Variants in CEP85L observed in about 807,000 individuals in gnomAD.
CEP85L encodes centrosomal protein of 85 kDa-like.
CEP85L carries 60 observed loss-of-function variants against 100.3 expected under a neutral mutation model. That is an observed-to-expected ratio of 0.60 (90% CI 0.49 to 0.74). CEP85L has a LOEUF of 0.74. CEP85L is among the 30% of genes least tolerant of loss of function. CEP85L has a pLI of 0.00. For missense variants in CEP85L, 973 were observed against 936.2 expected (o/e 1.04, Z -0.51); for synonymous variants, 319 against 322.7 (o/e 0.99, Z 0.12).
At chr6:118,484,807 C>T (rs1373302867) in intron 6 of CEP85L, among the ~76,000 whole-genome samples, 2 of 152,144 alleles carry the variant, frequency 1.3e-5, no homozygotes, top group African/African-American at 4.8e-5. Flanking sequence ...TTATAGTGTA[C>T]TAAACAATGC....
Position 118,483,797 on chromosome 6 carries a change from T to G in CEP85L, c.1499A>C (p.Gln500Pro). 2 of 1,613,970 alleles carry G rather than the reference T, an allele frequency of 1.2e-6. No individual in the cohort carries two copies. Among genetic ancestry groups the G allele is most frequent in the Non-Finnish European group, 1.7e-6 (2 of 1,179,914 alleles). ...LKKKCQKESE[Q>P]NKEKQRRIET... ...AATTCTTCTCTGCTTTTCTTTGTTT[T>G]GTTCAGATTCCTTCTGGCATTTCTT... The change falls in exon 7 of 13, where the codon CAA becomes CCA. Residue 500 changes from glutamine (Q) to proline (P), a missense_variant. By Grantham distance (76) the Gln-to-Pro change is moderately conservative. Coordinates refer to ENST00000368491, the MANE Select transcript of CEP85L (RefSeq NM_001042475.3).
intron 1 of CEP85L, among the ~76,000 whole-genome samples, chr6:118,642,521 A>C (rs1328293607): frequency 1.3e-5 from 2 of 152,234 alleles, no homozygotes; most frequent in Non-Finnish European, 2.9e-5. Context: ...GCTTTCACTC[A>C]GCTAAAATAA....
intron 1 of CEP85L, among the ~76,000 whole-genome samples, chr6:118,667,998 T>C (rs1335199928): frequency 6.6e-6 from 1 of 152,194 alleles, no homozygotes; most frequent in Non-Finnish European, 1.5e-5. Context: ...GCTGAGCAAA[T>C]ATCTCCCCAG....
At chr6:118,536,671 C>A (rs149173212) in intron 3 of CEP85L, among the ~76,000 whole-genome samples, 1 of 152,004 alleles carries the variant, frequency 6.6e-6, no homozygotes, top group East Asian at 1.9e-4. Flanking sequence ...CTGCAACTAG[C>A]CATGAGATAA....
intron 1 of CEP85L, among the ~76,000 whole-genome samples, chr6:118,670,625 G>C (rs1776275971): frequency 6.6e-6 from 1 of 151,996 alleles, no homozygotes; most frequent in East Asian, 1.9e-4. Context: ...CTAGCCACTG[G>C]TTCAAGAATG....
rs147697886 is a variant in CEP85L, at chr6:118,503,541, T to C, written c.1257+7757A>G. ...TGACACTACCCAACTTCAAGACTTA[T>C]AATAAGGCTACAGTAATCAAAACAA... On this transcript the variant is annotated intron_variant, in intron 5 of 12. Coordinates refer to ENST00000368491, the MANE Select transcript of CEP85L (RefSeq NM_001042475.3). 2.8e-4 allele frequency among the ~76,000 whole-genome samples: 43 copies of C among 152,228 alleles called. 1 individual carries two copies. In the East Asian group the frequency reaches 6.6e-3, roughly 23 times the overall value.
At chr6:118,486,166 C>T (rs1774166675) in intron 6 of CEP85L, among the ~76,000 whole-genome samples, 1 of 152,038 alleles carries the variant, frequency 6.6e-6, no homozygotes, top group Admixed American at 6.5e-5. Flanking sequence ...AGATGACAAG[C>T]TCTTTGTTTT....
chr6:118,481,817 C>G lies in CEP85L; in HGVS notation c.1707G>C (p.Gln569His). The change falls in exon 8 of 13, where the codon CAG (glutamine) becomes CAC (histidine). Residue 569 changes from glutamine (Q) to histidine (H), a missense_variant. By Grantham distance (24) the Gln-to-His change is conservative (BLOSUM62 0). This residue lies in a region of CEP85L where 890 missense variants were observed against 844.5 expected (regional missense o/e 1.05). Transcript: ENST00000368491. ...CQDKETQLIC[Q>H]KKKEKELVTT... ...TTACTAACTCCTTTTCTTTCTTTTT[C>G]TGGCATATTAACTGTGTCTCTTTAT... The G allele has an allele frequency of 1.3e-6, 2 of 1,593,286 alleles. No individual in the cohort carries two copies. Among genetic ancestry groups the G allele is most frequent in the Non-Finnish European group, 1.7e-6 (2 of 1,171,236 alleles).
At chr6:118,612,676 CGG>C (rs55782430) in intron 2 of CEP85L, among the ~76,000 whole-genome samples, 3 of 77,456 alleles carry the variant, frequency 3.9e-5, no homozygotes, top group African/African-American at 9.6e-5. Flanking sequence ...AAAAAAAAAG[CGG>C]GGGGGGGGGG....
At chr6:118,554,202 C>T (rs180904306) in intron 3 of CEP85L, among the ~76,000 whole-genome samples, 1 of 152,038 alleles carries the variant, frequency 6.6e-6, no homozygotes, top group Non-Finnish European at 1.5e-5. Flanking sequence ...GCAGGGAGAT[C>T]GCTAGAGCCT....
At chr6:118,590,881 C>T (rs1490210108) in intron 2 of CEP85L, among the ~76,000 whole-genome samples, 3 of 152,146 alleles carry the variant, frequency 2.0e-5, no homozygotes, top group African/African-American at 7.2e-5. Context: ...CACATGTGTC[C>T]GTGTCGTTTT....
At chr6:118,705,968 A>G (rs1407286105) in intron 1 of CEP85L, among the ~76,000 whole-genome samples, 1 of 152,130 alleles carries the variant, frequency 6.6e-6, no homozygotes, top group Non-Finnish European at 1.5e-5. Context: ...CCGCCCCCAC[A>G]TTGTTGCTCT....
intron 6 of CEP85L, among the ~76,000 whole-genome samples, chr6:118,484,828 G>A (rs1427777729): frequency 6.6e-6 from 1 of 152,182 alleles, no homozygotes; most frequent in African/African-American, 2.4e-5. Context: ...AACTAAAGCT[G>A]GAAGAATACA....
intron 1 of CEP85L, among the ~76,000 whole-genome samples, chr6:118,702,748 G>A (rs555619625): frequency 1.5e-3 from 223 of 152,304 alleles, no homozygotes; most frequent in Non-Finnish European, 2.2e-3. Context: ...TGTAATCCTA[G>A]CACTTTGGGA....
At chr6:118,493,399 G>C (rs1047609655) in intron 5 of CEP85L, among the ~76,000 whole-genome samples, 1 of 152,086 alleles carries the variant, frequency 6.6e-6, no homozygotes, top group African/African-American at 2.4e-5. Context: ...CTAGTGTCTA[G>C]ACTCTGAGCA....
intron 3 of CEP85L, among the ~76,000 whole-genome samples, chr6:118,545,987 A>G (rs942564738): frequency 6.6e-6 from 1 of 152,206 alleles, no homozygotes; most frequent in African/African-American, 2.4e-5. Context: ...AGACTGTGAC[A>G]AAGCACCTCA....
At chr6:118,503,308 T>C (rs1775426195) in intron 5 of CEP85L, among the ~76,000 whole-genome samples, 2 of 152,178 alleles carry the variant, frequency 1.3e-5, no homozygotes, top group African/African-American at 4.8e-5. Flanking sequence ...AATAAATGAA[T>C]AGATATTCCA....
At chr6:118,632,317 C>T (rs574893944) in intron 2 of CEP85L, 136 bp downstream of exon 2, 2 of 728,208 alleles carry the variant, frequency 2.7e-6, no homozygotes, top group South Asian at 5.1e-5. Context: ...ATTTGATATA[C>T]AGCAACACTG....
chr6:118,692,176 A>G (rs890099942), intron 1 of CEP85L, among the ~76,000 whole-genome samples: 5 of 152,158 alleles, frequency 3.3e-5, no homozygotes, highest in Non-Finnish European at 7.4e-5. Context: ...GACCTCAAGA[A>G]AGGAAGGAAA....
Sources: gnomAD v4.1 joint callset for allele counts (sites outside exome capture counted in the v4.1 genomes callset) on GRCh38, gnomAD v4.1.1 for gene constraint, gnomAD v4.1.1 regional missense constraint, MANE v1.5 for transcripts, NCBI Gene and HGNC (gene_info 2026-07-23, HGNC 2026-07-21) for gene names.